Variants in PTPRB observed in about 807,000 individuals in gnomAD.
PTPRB encodes receptor-type tyrosine-protein phosphatase beta.
PTPRB carries 97 observed loss-of-function variants against 238.1 expected under a neutral mutation model. The ratio of observed to expected loss-of-function variants is 0.41; its 90% confidence interval spans 0.35 to 0.48. The LOEUF is 0.48. Ranked by LOEUF, PTPRB falls within the 20% of genes least tolerant of loss-of-function variation. PTPRB has a pLI of 0.30. For synonymous variants in PTPRB, 970 were observed against 995.4 expected, an observed-to-expected ratio of 0.97 and a Z score of 0.48; for missense variants, 2,292 against 2,681.9, an observed-to-expected ratio of 0.85 and a Z score of 3.21.
intron 22 of PTPRB, chr12:70,542,108 T>C (rs943762455): frequency 6.6e-6 from 1 of 152,202 alleles, no homozygotes; most frequent in African/African-American, 2.4e-5. Context: ...CCTCACTAAC[T>C]CTTGTTACTG....
At chr12:70,603,961 C>T (rs1883732499) in intron 4 of PTPRB, among the ~76,000 whole-genome samples, 2 of 152,174 alleles carry the variant, frequency 1.3e-5, no homozygotes, top group Admixed American at 6.5e-5. Flanking sequence ...GTATTTCATA[C>T]TGTTACCAAT....
intron 3 of PTPRB, among the ~76,000 whole-genome samples, chr12:70,618,430 TTTAC>T (rs1884774216): frequency 6.6e-6 from 1 of 152,150 alleles, no homozygotes; most frequent in Non-Finnish European, 1.5e-5. Flanking sequence ...TCGAAAACAT[TTTAC>T]TTAATCAGAA....
intron 2 of PTPRB, 121 bp downstream of exon 2, chr12:70,635,550 A>G: frequency 8.1e-7 from 1 of 1,231,620 alleles, no homozygotes; most frequent in Non-Finnish European, 1.1e-6. Context: ...CTTCCATAGG[A>G]AATATGTTGG....
chr12:70,526,265 C>T (rs1380324371), intron 32 of PTPRB, among the ~76,000 whole-genome samples: 1 of 152,184 alleles, frequency 6.6e-6, no homozygotes, highest in Non-Finnish European at 1.5e-5. Context: ...TACAGTGACA[C>T]AATCATAGCT....
At chr12:70,553,161 A>G in intron 20 of PTPRB, 141 bp from the exon 21 acceptor site, 1 of 1,053,194 alleles carries the variant, frequency 9.5e-7, no homozygotes, top group Non-Finnish European at 1.4e-6. Context: ...AATCTCAAAG[A>G]ACGATGTGAA....
At chr12:70,579,695 CAAAA>C (rs35887706) in intron 10 of PTPRB, among the ~76,000 whole-genome samples, 2 of 90,984 alleles carry the variant, frequency 2.2e-5, no homozygotes, top group South Asian at 3.9e-4. Context: ...GACTCCATCT[CAAAA>C]AAAAAAAAAA....
chr12:70,533,264 T>G (rs1873570065), intron 31 of PTPRB, among the ~76,000 whole-genome samples: 1 of 152,150 alleles, frequency 6.6e-6, no homozygotes, highest in African/African-American at 2.4e-5. Flanking sequence ...AGCAGAAAGC[T>G]CTGAGGTGAG....
chr12:70,632,650 C>A (rs1266887045), intron 2 of PTPRB, among the ~76,000 whole-genome samples: 1 of 151,050 alleles, frequency 6.6e-6, no homozygotes. Flanking sequence ...AAAGTACTTT[C>A]TTCTCTCTAC....
At chr12:70,623,626 A>C (rs757777923) in intron 2 of PTPRB, among the ~76,000 whole-genome samples, 2 of 152,216 alleles carry the variant, frequency 1.3e-5, no homozygotes, top group African/African-American at 2.4e-5. Context: ...AGTGCACTAG[A>C]GTTTTATGGG....
chr12:70,630,226 A>G (rs539593628), intron 2 of PTPRB, among the ~76,000 whole-genome samples: 204 of 152,316 alleles, frequency 1.3e-3, no homozygotes, highest in Middle Eastern at 3.4e-3. Flanking sequence ...CACCACAACC[A>G]AGTCAGCTTC....
Position 70,538,405 on chromosome 12 carries a change from T to C in PTPRB, c.5870-174A>G, listed in dbSNP as rs1483837987. ...ACTAACTTGCCCCATGTTGCATAGG[T>C]GGCCTATAACCAGTCAGACACAGGA... is the stretch of plus-strand genomic sequence containing the variant. On this transcript the variant is annotated intron_variant, in intron 27 of 33. Coordinates refer to ENST00000334414, the MANE Select transcript of PTPRB (RefSeq NM_001109754.4). 15 of 571,892 alleles carry C rather than the reference T, an allele frequency of 2.6e-5. No homozygotes were observed. In the Admixed American group the frequency reaches 5.1e-4, roughly 19 times the overall value. The allele number at this position is 571,892 out of a possible 1,614,324, so 35.4% of individuals were successfully genotyped here. A position where few individuals can be genotyped will look rare whatever the true frequency, so the allele number is the denominator to read the frequency against.
rs145959404 is a variant in PTPRB at position 70,530,176 on chromosome 12, T to C, written c.6504+1859A>G. Among the ~76,000 whole-genome samples, 246 of 152,284 alleles carry C rather than the reference T, an allele frequency of 1.6e-3. 1 individual carries two copies. Among genetic ancestry groups the C allele is most frequent in the African/African-American group, 5.7e-3 (237 of 41,572 alleles). ...TCTGGATTCTAATGAAAACCAAATA[T>C]AGTTTTTTATAAAAAGTAATTTTTT... is the stretch of plus-strand genomic sequence containing the variant. On this transcript the variant is annotated intron_variant, in intron 32 of 33. Coordinates refer to ENST00000334414, the MANE Select transcript of PTPRB (RefSeq NM_001109754.4).
In PTPRB at chr12:70,516,361, T is replaced by A. The variant is rs533945351; in HGVS notation, c.*5128A>T. On this transcript the variant is annotated 3_prime_UTR_variant, in exon 34 of 34. Coordinates refer to ENST00000334414, the MANE Select transcript of PTPRB (RefSeq NM_001109754.4). ...TAGGAGTCGAGACGAGATTAAAGAC[T>A]TGGTCCTTGTTCTTGAGGAATTTAT... is the stretch of plus-strand genomic sequence containing the variant. 2 of 152,344 alleles carry A rather than the reference T, an allele frequency of 1.3e-5. No individual in the cohort carries two copies. The highest frequency in any genetic ancestry group is 4.1e-4 in the South Asian group (2 of 4,826). The allele number at this position is 152,344 out of a possible 1,614,324, so 9.4% of individuals were successfully genotyped here.
At chr12:70,580,381 A>G (rs1592526892) in intron 10 of PTPRB, among the ~76,000 whole-genome samples, 1 of 152,366 alleles carries the variant, frequency 6.6e-6, no homozygotes, top group South Asian at 2.1e-4. Flanking sequence ...ATAAGAGTGA[A>G]AGATGCTTTC....
At chr12:70,538,416 C>A in intron 27 of PTPRB, 185 bp from the exon 28 acceptor site, 1 of 549,252 alleles carries the variant, frequency 1.8e-6, no homozygotes, top group East Asian at 3.0e-5. Flanking sequence ...GGCCTATAAC[C>A]AGTCAGACAC....
At chr12:70,544,718 G>T in intron 21 of PTPRB, 55 bp from the exon 22 acceptor site, 1 of 1,217,312 alleles carries the variant, frequency 8.2e-7, no homozygotes. Context: ...CACAGTAGCT[G>T]AAAAATGTGT....
intron 15 of PTPRB, among the ~76,000 whole-genome samples, chr12:70,565,197 T>C (rs1025674233): frequency 6.6e-6 from 1 of 152,204 alleles, no homozygotes; most frequent in Non-Finnish European, 1.5e-5. Context: ...ATCTGATTTA[T>C]CTTTTTAAAG....
chr12:70,622,287 TC>T (rs112432953), intron 3 of PTPRB, 102 bp downstream of exon 3: 31,261 of 1,489,406 alleles, frequency 0.021, 1,353 homozygotes, highest in African/African-American at 0.18. Flanking sequence ...GAGTGCCTAA[TC>T]CCCCTACTGC....
chr12:70,541,764 G>A (rs1248876248), intron 22 of PTPRB: 2 of 152,116 alleles, frequency 1.3e-5, no homozygotes, highest in Non-Finnish European at 2.9e-5. Context: ...TGTTTTCAAG[G>A]TTCATCCATG....
Sources: allele counts gnomAD v4.1 joint callset (sites outside exome capture counted in the v4.1 genomes callset), GRCh38; gene constraint gnomAD v4.1.1; transcripts MANE v1.5; gene names NCBI Gene and HGNC (gene_info 2026-07-23, HGNC 2026-07-21).